The following NEGR1 variants were observed in gnomAD, a reference collection of about 807,000 sequenced individuals.
NEGR1 encodes the protein IgLON family member 4.
In NEGR1, 10 loss-of-function variants were observed where a neutral mutation model predicts 40.9. That is an observed-to-expected ratio of 0.24 (90% CI 0.15 to 0.42). NEGR1 has a LOEUF of 0.42. Ranked by LOEUF, NEGR1 falls within the 10% of genes least tolerant of loss-of-function variation. The probability of loss-of-function intolerance (pLI) is 1.00; values close to 1 mark genes in which losing one functional copy is unlikely to be tolerated. For synonymous variants in NEGR1, 185 were observed against 166.8 expected, an observed-to-expected ratio of 1.11 and a Z score of -0.84; for missense variants, 352 against 438.9, an observed-to-expected ratio of 0.80 and a Z score of 1.77.
At chr1:71,943,999 T>A (rs771449880) in intron 1 of NEGR1, among the ~76,000 whole-genome samples, 54 of 152,228 alleles carry the variant, frequency 3.5e-4, no homozygotes, top group Non-Finnish European at 7.1e-4. Context: ...TTTGTTCCAA[T>A]GGCTTTAAAC....
At chr1:72,041,661 T>TTGTTGAAATGATTTATGTTA (rs1646955479) in intron 1 of NEGR1, among the ~76,000 whole-genome samples, 2 of 150,142 alleles carry the variant, frequency 1.3e-5, no homozygotes, top group Admixed American at 6.7e-5. Flanking sequence ...AAAATGATTT[T>TTGTTGAAATGATTTATGTTA]TGTTGAAATG....
chr1:72,071,318 T>G (rs1286357447), intron 1 of NEGR1, among the ~76,000 whole-genome samples: 3 of 152,142 alleles, frequency 2.0e-5, no homozygotes, highest in African/African-American at 7.2e-5. Flanking sequence ...AATAAGTTAA[T>G]GTATATTCTA....
chr1:71,987,168 A>G (rs1271475222), intron 1 of NEGR1, among the ~76,000 whole-genome samples: 1 of 152,206 alleles, frequency 6.6e-6, no homozygotes, highest in African/African-American at 2.4e-5. Flanking sequence ...GAATTCCTAA[A>G]GAGTTAACGT....
intron 2 of NEGR1, 67 bp downstream of exon 2, chr1:71,935,012 T>G: frequency 5.6e-6 from 5 of 900,326 alleles, no homozygotes; most frequent in Non-Finnish European, 8.9e-6. Context: ...CTAGTCATTT[T>G]GATACCTAAA....
chr1:71,798,843 C>A (rs1657437958), intron 2 of NEGR1, among the ~76,000 whole-genome samples: 1 of 152,118 alleles, frequency 6.6e-6, no homozygotes, highest in South Asian at 2.1e-4. Context: ...TCCCAATAAT[C>A]CCTTTAATCC....
chr1:71,965,344 A>T (rs1253216677), intron 1 of NEGR1, among the ~76,000 whole-genome samples: 1 of 152,194 alleles, frequency 6.6e-6, no homozygotes, highest in East Asian at 1.9e-4. Flanking sequence ...TAATAACTTT[A>T]GCGAAGTTTT....
At chr1:71,431,562 TTATC>T (rs60389728) in intron 6 of NEGR1, among the ~76,000 whole-genome samples, 60,655 of 132,314 alleles carry the variant, frequency 0.46, 13,764 homozygotes, top group South Asian at 0.63. Flanking sequence ...ATCCATCTGT[TTATC>T]CATTCATTCA....
chr1:72,039,755 A>G (rs1646935773), intron 1 of NEGR1, among the ~76,000 whole-genome samples: 1 of 151,958 alleles, frequency 6.6e-6, no homozygotes. Context: ...ATTAAGTGCA[A>G]ATACCAATAG....
chr1:72,135,605 C>T (rs1650433469), intron 1 of NEGR1, among the ~76,000 whole-genome samples: 1 of 151,800 alleles, frequency 6.6e-6, no homozygotes, highest in Non-Finnish European at 1.5e-5. Context: ...CAGCAAACTT[C>T]CTTTATTGAG....
chr1:71,768,607 A>T (rs532083051), intron 3 of NEGR1, among the ~76,000 whole-genome samples: 14 of 152,276 alleles, frequency 9.2e-5, no homozygotes, highest in Non-Finnish European at 1.8e-4. Flanking sequence ...TGGACTTTTA[A>T]CTTAATGCTG....
intron 1 of NEGR1, among the ~76,000 whole-genome samples, chr1:72,227,636 C>A (rs1375116410): frequency 1.3e-5 from 2 of 151,974 alleles, no homozygotes; most frequent in Non-Finnish European, 2.9e-5. Context: ...TCTTCCTTTA[C>A]CATATATAGA....
chr1:72,094,120 T>C (rs950057895), intron 1 of NEGR1, among the ~76,000 whole-genome samples: 5 of 152,162 alleles, frequency 3.3e-5, no homozygotes, highest in African/African-American at 1.2e-4. Context: ...TATAATAGTA[T>C]GTGTTGGGCG....
chr1:71,978,436 T>A (rs1482636694), intron 1 of NEGR1, among the ~76,000 whole-genome samples: 1 of 152,164 alleles, frequency 6.6e-6, no homozygotes, highest in East Asian at 1.9e-4. Context: ...CTGGACTTTG[T>A]GACACACTAG....
chr1:72,216,402 CATAT>C lies in NEGR1; in HGVS notation c.176+65913_176+65916del, dbSNP rs56767155. ...ATATATACATATATATATATATATACATATATATATATATGTATATCTATATACA... is the reference window on the plus strand; with the variant it reads ...ATATATACATATATATATATATATACATATATATATGTATATCTATATACA... On this transcript the variant is annotated intron_variant, in intron 1 of 6. Coordinates refer to ENST00000357731, the MANE Select transcript of NEGR1 (RefSeq NM_173808.3). Among the ~76,000 whole-genome samples the C allele has an allele frequency of 1.5e-3, 174 of 119,550 alleles. 1 individual carries two copies. The highest frequency in any genetic ancestry group is 1.7e-3 in the Non-Finnish European group (93 of 56,328). The allele number at this position is 119,550 out of a possible 152,430, so 78.4% of individuals were successfully genotyped here. A position where few individuals can be genotyped will look rare whatever the true frequency, so the allele number is the denominator to read the frequency against.
intron 6 of NEGR1, among the ~76,000 whole-genome samples, chr1:71,559,424 C>T (rs1029973216): frequency 5.9e-5 from 9 of 151,450 alleles, no homozygotes; most frequent in Admixed American, 5.9e-4. Flanking sequence ...TCATTTGTTA[C>T]ACAGTTAGAT....
chr1:72,195,641 G>C (rs145660249), intron 1 of NEGR1, among the ~76,000 whole-genome samples: 1,311 of 127,174 alleles, frequency 0.01, 19 homozygotes, highest in African/African-American at 0.039. Context: ...TGGTCAGGAA[G>C]TTAAGATTTT....
intron 1 of NEGR1, among the ~76,000 whole-genome samples, chr1:72,007,998 A>G (rs966460303): frequency 5.3e-5 from 8 of 152,204 alleles, no homozygotes; most frequent in Non-Finnish European, 1.2e-4. Flanking sequence ...TATGAATTTT[A>G]AAAAGTTATC....
At chr1:71,749,754 G>A (rs1413509166) in intron 3 of NEGR1, among the ~76,000 whole-genome samples, 1 of 152,160 alleles carries the variant, frequency 6.6e-6, no homozygotes, top group East Asian at 1.9e-4. Flanking sequence ...ATATTTAGAA[G>A]AGGCAATTAG....
intron 1 of NEGR1, among the ~76,000 whole-genome samples, chr1:72,198,198 C>A (rs916659046): frequency 2.0e-5 from 3 of 151,860 alleles, no homozygotes; most frequent in African/African-American, 7.2e-5. Context: ...TAGCTAGGAG[C>A]GTACATATAA....
Sources: allele counts gnomAD v4.1 joint callset (sites outside exome capture counted in the v4.1 genomes callset), GRCh38; gene constraint gnomAD v4.1.1; transcripts MANE v1.5; gene names NCBI Gene and HGNC (gene_info 2026-07-23, HGNC 2026-07-21).